The following B4GALT5 variants were observed in gnomAD, a reference collection of about 807,000 sequenced individuals.
The protein encoded by B4GALT5 is UDP-Gal:beta-GlcNAc beta-1,4-galactosyltransferase 5.
A neutral mutation model predicts 45.0 loss-of-function variants in B4GALT5; 11 were observed. The observed-to-expected ratio is 0.24, with a 90% CI of 0.15 to 0.40. The LOEUF (loss-of-function observed/expected upper bound fraction) is 0.40, where lower values mean the gene tolerates loss of function less well. Ranked by LOEUF, B4GALT5 falls within the 10% of genes least tolerant of loss-of-function variation. B4GALT5 has a pLI of 1.00. For synonymous variants in B4GALT5, 185 were observed against 182.9 expected, an observed-to-expected ratio of 1.01 and a Z score of -0.09; for missense variants, 337 against 500.2, an observed-to-expected ratio of 0.67 and a Z score of 3.11.
At chr20:49,640,752 A>G in intron 5 of B4GALT5, 87 bp from the exon 6 acceptor site, 1 of 1,338,902 alleles carries the variant, frequency 7.5e-7, no homozygotes, top group South Asian at 1.5e-5. Flanking sequence ...GTTTATTAGA[A>G]CCAACTGGAA....
intron 1 of B4GALT5, among the ~76,000 whole-genome samples, chr20:49,707,640 G>A (rs2085889886): frequency 6.6e-6 from 1 of 152,018 alleles, no homozygotes; most frequent in Non-Finnish European, 1.5e-5. Context: ...TTGGAGACAG[G>A]GTCTCACTCT....
At chr20:49,678,456 C>G (rs1265256855) in intron 1 of B4GALT5, among the ~76,000 whole-genome samples, 1 of 152,168 alleles carries the variant, frequency 6.6e-6, no homozygotes, top group Admixed American at 6.5e-5. Context: ...AGATGTCTTG[C>G]TATTCTAGCT....
intron 8 of B4GALT5, among the ~76,000 whole-genome samples, chr20:49,636,691 G>A (rs942012397): frequency 3.9e-5 from 6 of 152,148 alleles, no homozygotes; most frequent in Non-Finnish European, 7.4e-5. Context: ...TAATGCTCAC[G>A]CCAGCCCCTG....
rs1478660764 is a variant in B4GALT5 at position 49,635,186 on chromosome 20, A to G, written c.*1126T>C. The G allele has an allele frequency of 6.6e-6, 1 of 152,298 alleles. No individual in the cohort carries two copies. Among genetic ancestry groups the G allele is most frequent in the African/African-American group, 2.4e-5 (1 of 41,456 alleles). The allele number at this position is 152,298 out of a possible 1,614,324, so 9.4% of individuals were successfully genotyped here. On this transcript the variant is annotated 3_prime_UTR_variant, in exon 9 of 9. Coordinates refer to ENST00000371711, the MANE Select transcript of B4GALT5 (RefSeq NM_004776.4). ...TTCAGAAACTGTGGCCAAGTTCCACAAGAGAAAAAGTAAGAGGGGGAGGGA... is the reference window on the plus strand; with the variant it reads ...TTCAGAAACTGTGGCCAAGTTCCACGAGAGAAAAAGTAAGAGGGGGAGGGA...
At chr20:49,654,282 A>C (rs776275636) in intron 2 of B4GALT5, among the ~76,000 whole-genome samples, 4 of 152,204 alleles carry the variant, frequency 2.6e-5, no homozygotes, top group Non-Finnish European at 5.9e-5. Context: ...TGAAAAATGC[A>C]AACAGCATAA....
In B4GALT5 at chr20:49,655,365, A is replaced by C. The variant is rs552056513; in HGVS notation, c.250+1203T>G. 5.3e-5 allele frequency among the ~76,000 whole-genome samples: 8 copies of C among 151,896 alleles called. No individual in the cohort carries two copies. The South Asian group carries it at 1.7e-3, about 32-fold the overall frequency. On this transcript the variant is annotated intron_variant, in intron 2 of 8. Transcript: ENST00000371711. ...AGAATCAGTTGAACCCGGGAGGTGG[A>C]GGTTACAGTGAGCCGAGATTAACAC...
chr20:49,672,383 T>C (rs1257716091), intron 1 of B4GALT5, among the ~76,000 whole-genome samples: 1 of 152,210 alleles, frequency 6.6e-6, no homozygotes, highest in South Asian at 2.1e-4. Flanking sequence ...ATTTCTAGCT[T>C]CTAAGGCACA....
intron 1 of B4GALT5, among the ~76,000 whole-genome samples, chr20:49,699,695 G>C (rs1480368337): frequency 6.6e-6 from 1 of 152,178 alleles, no homozygotes; most frequent in Non-Finnish European, 1.5e-5. Context: ...CTAAGTCAAA[G>C]AGAAAAGTCA....
intron 1 of B4GALT5, among the ~76,000 whole-genome samples, chr20:49,684,899 G>C (rs1049670344): frequency 6.6e-6 from 1 of 152,166 alleles, no homozygotes; most frequent in Non-Finnish European, 1.5e-5. Flanking sequence ...AGATTCCAGA[G>C]TGATTGAAAC....
intron 1 of B4GALT5, among the ~76,000 whole-genome samples, chr20:49,694,658 A>AGGAAAGGGAAAGGGAAAAGGAAAG (rs2085830574): frequency 7.0e-6 from 1 of 142,918 alleles, no homozygotes; most frequent in Non-Finnish European, 1.5e-5. Context: ...GAAAGGGAAA[A>AGGAAAGGGAAAGGGAAAAGGAAAG]GGAAAGGGAA....
intron 1 of B4GALT5, among the ~76,000 whole-genome samples, chr20:49,681,487 T>C (rs952191679): frequency 6.6e-6 from 1 of 152,178 alleles, no homozygotes; most frequent in Non-Finnish European, 1.5e-5. Flanking sequence ...TCCAGTCTCA[T>C]GATTTCAAAT....
intron 1 of B4GALT5, among the ~76,000 whole-genome samples, chr20:49,712,157 G>T (rs1433997810): frequency 1.3e-5 from 2 of 152,184 alleles, no homozygotes. Flanking sequence ...GAAGTTACAT[G>T]TAATAGCTGC....
rs73613307 is a variant in B4GALT5 at position 49,710,288 on chromosome 20, T to C, written c.115+3288A>G. Among the ~76,000 whole-genome samples, 106 of 152,282 alleles carry C rather than the reference T, an allele frequency of 7.0e-4. No homozygotes were observed. The East Asian group carries it at 0.013, about 18-fold the overall frequency. On this transcript the variant is annotated intron_variant, in intron 1 of 8. Transcript: ENST00000371711. Reference sequence around the variant, plus strand: ...ACTGTGCCAGAAAACAGAATTGTCATTGGGAAATTTATTAAAGTGAACTAC... The same window carrying C: ...ACTGTGCCAGAAAACAGAATTGTCACTGGGAAATTTATTAAAGTGAACTAC...
chr20:49,646,701 A>C (rs1282299577), intron 3 of B4GALT5, among the ~76,000 whole-genome samples: 2 of 152,210 alleles, frequency 1.3e-5, no homozygotes, highest in Non-Finnish European at 2.9e-5. Flanking sequence ...TTCTCTAGGA[A>C]GTTCAAACAG....
chr20:49,644,028 A>G (rs1034401028), intron 3 of B4GALT5, among the ~76,000 whole-genome samples: 1 of 145,836 alleles, frequency 6.9e-6, no homozygotes, highest in Non-Finnish European at 1.5e-5. Context: ...TCTGGGTTCA[A>G]GCAATTCTCC....
At chr20:49,646,453 T>C (rs1478975983) in intron 3 of B4GALT5, among the ~76,000 whole-genome samples, 4 of 152,204 alleles carry the variant, frequency 2.6e-5, no homozygotes, top group Non-Finnish European at 5.9e-5. Flanking sequence ...GTACCTTTTC[T>C]ATGTTTAGAT....
intron 1 of B4GALT5, among the ~76,000 whole-genome samples, chr20:49,684,117 G>A (rs1004134266): frequency 2.0e-5 from 3 of 151,888 alleles, no homozygotes; most frequent in African/African-American, 7.3e-5. Context: ...TTCCAGCCTG[G>A]GCAACAGAGC....
chr20:49,702,542 A>C (rs1195347602), intron 1 of B4GALT5, among the ~76,000 whole-genome samples: 1 of 152,092 alleles, frequency 6.6e-6, no homozygotes, highest in Admixed American at 6.5e-5. Context: ...AAGGTTTAAT[A>C]TTATTCAGAA....
At chr20:49,709,693 TG>T (rs1351655854) in intron 1 of B4GALT5, among the ~76,000 whole-genome samples, 1 of 149,996 alleles carries the variant, frequency 6.7e-6, no homozygotes, top group African/African-American at 2.5e-5. Context: ...CCTTTGAACC[TG>T]GGGGGCAGAG....
Sources: gnomAD v4.1 joint callset for allele counts (sites outside exome capture counted in the v4.1 genomes callset) on GRCh38, gnomAD v4.1.1 for gene constraint, MANE v1.5 for transcripts, NCBI Gene and HGNC (gene_info 2026-07-23, HGNC 2026-07-21) for gene names.